Variants in MCC observed in about 807,000 individuals in gnomAD.
MCC encodes colorectal mutant cancer protein.
In MCC, 90 loss-of-function variants were observed where a neutral mutation model predicts 116.2. The observed-to-expected ratio is 0.77, with a 90% CI of 0.65 to 0.92. The LOEUF (loss-of-function observed/expected upper bound fraction) is 0.92. Among genes scored for constraint, MCC ranks in the 40% least tolerant of loss-of-function variants. MCC has a pLI of 0.00. For synonymous variants in MCC, 578 were observed against 510.5 expected, an observed-to-expected ratio of 1.13 and a Z score of -1.78; for missense variants, 1,516 against 1,312.2, an observed-to-expected ratio of 1.16 and a Z score of -2.40.
rs755415436 is a variant in MCC at position 113,138,931 on chromosome 5, G to A, written c.884+4287C>T. On this transcript the variant is annotated intron_variant, in intron 5 of 18. Transcript: ENST00000408903. Reference sequence around the variant, plus strand: ...GTTCTATAACTGGCCTGTTATCCAGGTAAGGGAATTGGATGAGGCCATGAT... The same window carrying A: ...GTTCTATAACTGGCCTGTTATCCAGATAAGGGAATTGGATGAGGCCATGAT... Among the ~76,000 whole-genome samples the A allele has an allele frequency of 9.2e-5, 14 of 152,092 alleles. 1 individual carries two copies. Among genetic ancestry groups the A allele is most frequent in the Non-Finnish European group, 7.4e-5 (5 of 68,020 alleles).
chr5:113,230,068 C>T lies in MCC; in HGVS notation c.628-78646G>A, dbSNP rs61103923. On this transcript the variant is annotated intron_variant, in intron 3 of 18. Transcript: ENST00000408903. The stretch of plus-strand genomic sequence containing the variant: ...CAAATTGAAATCTTCATATGATTCT[C>T]AGTCCCCAGTCAAGAAGATGTTAAA... 7.2e-5 allele frequency among the ~76,000 whole-genome samples: 11 copies of T among 152,332 alleles called. No individual in the cohort carries two copies. The East Asian group carries it at 2.1e-3, about 29-fold the overall frequency.
rs1754008860 is a variant in MCC at position 113,071,122 on chromosome 5, T to C, written c.1897A>G (p.Thr633Ala). Residue 633 changes from threonine (T) to alanine (A), a missense_variant, in exon 12 of 19, where the codon ACA becomes GCA. Coordinates refer to ENST00000408903, the MANE Select transcript of MCC (RefSeq NM_001085377.2). ...MLVGKYESNA[T>A]ALRLALQYSE... ...TACTGCAAGGCCAGCCTCAGCGCTG[T>C]GGCATTGGATTCGTATTTTCCCACC... 2 of 1,613,812 alleles carry C rather than the reference T, an allele frequency of 1.2e-6. No individual in the cohort carries two copies. Among genetic ancestry groups the C allele is most frequent in the African/African-American group, 1.3e-5 (1 of 74,824 alleles).
chr5:113,081,023 G>A (rs562613093), intron 11 of MCC, among the ~76,000 whole-genome samples: 9 of 152,120 alleles, frequency 5.9e-5, no homozygotes, highest in Non-Finnish European at 1.0e-4. Flanking sequence ...TATAGCAGAT[G>A]CTTAACACAG....
At chr5:113,384,412 C>T (rs1769197767) in intron 2 of MCC, among the ~76,000 whole-genome samples, 1 of 152,154 alleles carries the variant, frequency 6.6e-6, no homozygotes, top group Admixed American at 6.5e-5. Context: ...TACGGTGAAA[C>T]CCCGTCTCTA....
At chr5:113,061,600 C>G (rs1753221279) in intron 14 of MCC, among the ~76,000 whole-genome samples, 2 of 152,216 alleles carry the variant, frequency 1.3e-5, no homozygotes, top group Admixed American at 6.5e-5. Flanking sequence ...GGTTGGCTAT[C>G]ACTTTTATTC....
At chr5:113,146,399 A>C (rs1209926955) in intron 4 of MCC, among the ~76,000 whole-genome samples, 2 of 21,238 alleles carry the variant, frequency 9.4e-5, no homozygotes, top group East Asian at 3.2e-3. Flanking sequence ...CCCTGACCTG[A>C]GTTTATATCC....
At chr5:113,118,223 C>G (rs1434525739) in intron 6 of MCC, among the ~76,000 whole-genome samples, 2 of 152,196 alleles carry the variant, frequency 1.3e-5, no homozygotes, top group Non-Finnish European at 2.9e-5. Flanking sequence ...GGTATACCCA[C>G]CCTCTCTTTT....
At chr5:113,461,878 TC>T (rs1367424545) in intron 1 of MCC, among the ~76,000 whole-genome samples, 1 of 152,018 alleles carries the variant, frequency 6.6e-6, no homozygotes, top group African/African-American at 2.4e-5. Context: ...TGAAAGGTTT[TC>T]CCATCCCATG....
At chr5:113,035,946 T>A (rs920177159) in intron 17 of MCC, among the ~76,000 whole-genome samples, 4 of 150,636 alleles carry the variant, frequency 2.7e-5, no homozygotes, top group Non-Finnish European at 4.4e-5. Flanking sequence ...AAGGATAACA[T>A]CATTTCATTC....
chr5:113,458,254 G>A (rs557450261), intron 1 of MCC, among the ~76,000 whole-genome samples: 355 of 152,138 alleles, frequency 2.3e-3, no homozygotes, highest in Non-Finnish European at 9.1e-4. Context: ...AACACTCACT[G>A]CGAAGGTCTG....
At chr5:113,378,620 G>A (rs1280012141) in intron 2 of MCC, among the ~76,000 whole-genome samples, 1 of 152,158 alleles carries the variant, frequency 6.6e-6, no homozygotes, top group Non-Finnish European at 1.5e-5. Context: ...GCTCTGAGAA[G>A]CACAGACAGG....
chr5:113,434,265 T>C lies in MCC; in HGVS notation c.171-49053A>G, dbSNP rs1770773113. ...CCAGATGTCGTACACCTTGGGCTGG[T>C]AGGGAATGCCCTGCAGCACCTCTGG... On this transcript the variant is annotated intron_variant, in intron 1 of 18. Coordinates refer to ENST00000408903, the MANE Select transcript of MCC (RefSeq NM_001085377.2). This position sits in a 1 kb window ranked among gnomAD's most constrained non-coding sequence, Gnocchi z 4.2. 1 of 1,614,042 alleles carries C rather than the reference T, an allele frequency of 6.2e-7. No homozygotes were observed. Among genetic ancestry groups the C allele is most frequent in the South Asian group, 1.1e-5 (1 of 91,086 alleles).
chr5:113,291,390 T>C (rs1264153016), intron 3 of MCC, among the ~76,000 whole-genome samples: 2 of 152,202 alleles, frequency 1.3e-5, no homozygotes, highest in Non-Finnish European at 2.9e-5. Context: ...ACTCACTCTC[T>C]AGTTCAGGAT....
At chr5:113,375,805 A>G (rs1768966618) in intron 2 of MCC, among the ~76,000 whole-genome samples, 1 of 137,776 alleles carries the variant, frequency 7.3e-6, no homozygotes, top group African/African-American at 3.0e-5. Context: ...AACTTGCACA[A>G]TTTCATTCCT....
chr5:113,480,660 T>C (rs565543133), intron 1 of MCC, among the ~76,000 whole-genome samples: 7 of 152,316 alleles, frequency 4.6e-5, no homozygotes, highest in South Asian at 2.1e-4. Flanking sequence ...GAAAATACTA[T>C]AGAAAATAGT....
At chr5:113,128,351 T>G (rs1285084453) in intron 5 of MCC, among the ~76,000 whole-genome samples, 2 of 152,258 alleles carry the variant, frequency 1.3e-5, no homozygotes, top group Non-Finnish European at 2.9e-5. Flanking sequence ...GCGAACTGCA[T>G]TCTTTCTTAA....
chr5:113,359,560 C>T (rs565452140), intron 2 of MCC, among the ~76,000 whole-genome samples: 1 of 152,290 alleles, frequency 6.6e-6, no homozygotes, highest in African/African-American at 2.4e-5. Flanking sequence ...AAGTGTCTGC[C>T]CTTGGGCAGT....
Position 113,385,037 on chromosome 5 carries a change from C to A in MCC, c.346G>T (p.Asp116Tyr). ...CTCAGCTTCTTTGTACAGGAGTTGTCTGACTTTGCAGAAAGATCTACTTCC... is the reference window on the plus strand; with the variant it reads ...CTCAGCTTCTTTGTACAGGAGTTGTATGACTTTGCAGAAAGATCTACTTCC... ...KEEVDLSAKSDNSCTKKLRDR... is the reference protein window; with the variant it reads ...KEEVDLSAKSYNSCTKKLRDR... Residue 116 changes from aspartate (D) to tyrosine (Y), a missense_variant, in exon 2 of 19, where the codon GAC (aspartate) becomes TAC (tyrosine). Asp to Tyr is a radical substitution (Grantham distance 160). Transcript: ENST00000408903. 6.2e-7 allele frequency: 1 copy of A among 1,614,200 alleles called. No individual in the cohort carries two copies. The highest frequency in any genetic ancestry group is 8.5e-7 in the Non-Finnish European group (1 of 1,180,024).
At chr5:113,112,013 A>T (rs1003902562) in intron 6 of MCC, among the ~76,000 whole-genome samples, 1 of 152,178 alleles carries the variant, frequency 6.6e-6, no homozygotes, top group African/African-American at 2.4e-5. Flanking sequence ...AAAAATCCTA[A>T]CTCAAATAAA....
Sources: allele counts gnomAD v4.1 joint callset (sites outside exome capture counted in the v4.1 genomes callset), GRCh38; gene constraint gnomAD v4.1.1; non-coding constraint Gnocchi (gnomAD v3.1); transcripts MANE v1.5; gene names NCBI Gene and HGNC (gene_info 2026-07-23, HGNC 2026-07-21).